Variants in ADGRG5 observed in about 807,000 individuals in gnomAD.
ADGRG5 encodes adhesion G protein-coupled receptor G5, also known as G protein-coupled receptor 114.
A neutral mutation model predicts 53.2 loss-of-function variants in ADGRG5; 37 were observed. The observed-to-expected ratio is 0.70, with a 90% CI of 0.53 to 0.91. The LOEUF is 0.91. Ranked by LOEUF, ADGRG5 falls within the 40% of genes least tolerant of loss-of-function variation. The probability of loss-of-function intolerance (pLI) is 0.00; values close to 1 mark genes in which losing one functional copy is unlikely to be tolerated. For synonymous variants in ADGRG5, 277 were observed against 290.4 expected, an observed-to-expected ratio of 0.95 and a Z score of 0.47; for missense variants, 614 against 675.8, an observed-to-expected ratio of 0.91 and a Z score of 1.01.
chr16:57,531,295 A>T, the ADGRG5 span, among the ~76,000 whole-genome samples: 2 of 148,526 alleles, frequency 1.3e-5, no homozygotes, highest in Non-Finnish European at 1.5e-5. Context: ...CCTTCCAGAG[A>T]AGGCACTTCC....
At position 57,573,020 on chromosome 16, in the gene ADGRG5, C is replaced by T. The variant is rs142296724; in HGVS notation, c.1209-1795C>T. Among the ~76,000 whole-genome samples the T allele has an allele frequency of 4.0e-3, 609 of 152,274 alleles. 2 individuals carry two copies. The highest frequency in any genetic ancestry group is 6.4e-3 in the Non-Finnish European group (438 of 68,024). On this transcript the variant is annotated intron_variant, in intron 10 of 11. Coordinates refer to ENST00000349457, the MANE Select transcript of ADGRG5 (RefSeq NM_001304376.3). ...GCTAGAGCCTGAGTTTCCTCATCTGCAGGATGAGGACGATTATGTACTTGC... is the reference window on the plus strand; with the variant it reads ...GCTAGAGCCTGAGTTTCCTCATCTGTAGGATGAGGACGATTATGTACTTGC...
the ADGRG5 span, among the ~76,000 whole-genome samples, chr16:57,537,615 C>T: frequency 6.6e-6 from 1 of 152,114 alleles, no homozygotes; most frequent in Non-Finnish European, 1.5e-5. Flanking sequence ...TTGAGAGCTT[C>T]CTCAAACTCA....
the ADGRG5 span, among the ~76,000 whole-genome samples, chr16:57,535,125 A>T: frequency 5.6e-3 from 855 of 152,318 alleles, 3 homozygotes; most frequent in Non-Finnish European, 8.2e-3. Flanking sequence ...GTGGGAAACC[A>T]CAGAGGACAG....
At chr16:57,533,492 C>T in the ADGRG5 span, among the ~76,000 whole-genome samples, 1 of 151,150 alleles carries the variant, frequency 6.6e-6, no homozygotes, top group Non-Finnish European at 1.5e-5. Flanking sequence ...ACACACACAC[C>T]CCCAGGGACC....
intron 10 of ADGRG5, among the ~76,000 whole-genome samples, chr16:57,570,825 C>T (rs1424014059): frequency 6.6e-6 from 1 of 152,194 alleles, no homozygotes; most frequent in Admixed American, 6.5e-5. Context: ...CTGCCCTGCC[C>T]TCCAGTGCCC....
chr16:57,531,216 T>G, the ADGRG5 span, among the ~76,000 whole-genome samples: 3 of 151,800 alleles, frequency 2.0e-5, no homozygotes, highest in Non-Finnish European at 4.4e-5. Context: ...AAAATAGAAC[T>G]TGCTGCCTCC....
At chr16:57,557,323 T>G (rs1057435306) in intron 1 of ADGRG5, among the ~76,000 whole-genome samples, 3 of 152,222 alleles carry the variant, frequency 2.0e-5, no homozygotes, top group Admixed American at 1.3e-4. Flanking sequence ...TGATAAGAAG[T>G]CTCTTGTAGT....
chr16:57,541,385 A>G (rs1402702971), upstream of ADGRG5, among the ~76,000 whole-genome samples: 1 of 152,178 alleles, frequency 6.6e-6, no homozygotes, highest in Non-Finnish European at 1.5e-5. Context: ...ATCCTGATCA[A>G]AGAAAACCGA....
chr16:57,537,840 G>T (rs1385838169), upstream of ADGRG5, among the ~76,000 whole-genome samples: 1 of 152,166 alleles, frequency 6.6e-6, no homozygotes, highest in African/African-American at 2.4e-5. Context: ...TGTTGAAAGC[G>T]TCTGTTCACC....
the ADGRG5 span, among the ~76,000 whole-genome samples, chr16:57,532,459 T>G: frequency 6.6e-6 from 1 of 152,170 alleles, no homozygotes. Flanking sequence ...CTGGCCTTGA[T>G]GCCCATGTGC....
At chr16:57,552,236 G>A (rs1163291841) in intron 1 of ADGRG5, among the ~76,000 whole-genome samples, 5 of 152,084 alleles carry the variant, frequency 3.3e-5, no homozygotes, top group Admixed American at 1.3e-4. Context: ...TGCATTACCC[G>A]CTAACAAGGG....
At chr16:57,550,231 G>A (rs569384618) in intron 1 of ADGRG5, among the ~76,000 whole-genome samples, 5 of 152,302 alleles carry the variant, frequency 3.3e-5, no homozygotes, top group South Asian at 4.1e-4. Context: ...ACCCGCCTCG[G>A]CCTCCCAAAG....
At chr16:57,551,937 C>T (rs1183498879) in intron 1 of ADGRG5, among the ~76,000 whole-genome samples, 1 of 152,080 alleles carries the variant, frequency 6.6e-6, no homozygotes, top group South Asian at 2.1e-4. Flanking sequence ...GTTAGCAGCA[C>T]GAGAACAACA....
chr16:57,531,193 G>A, the ADGRG5 span, among the ~76,000 whole-genome samples: 8,438 of 151,838 alleles, frequency 0.056, 350 homozygotes, highest in East Asian at 0.18. Context: ...GATGATTCAG[G>A]CTCATCTTGG....
intron 1 of ADGRG5, among the ~76,000 whole-genome samples, chr16:57,559,305 C>T (rs1185678161): frequency 6.6e-6 from 1 of 152,186 alleles, no homozygotes; most frequent in Non-Finnish European, 1.5e-5. Flanking sequence ...GTTTATCTCT[C>T]GGCAGCAGCC....
intron 7 of ADGRG5, 97 bp from the exon 8 acceptor site, chr16:57,567,373 G>T (rs1481126995): frequency 2.9e-6 from 4 of 1,388,944 alleles, no homozygotes; most frequent in Non-Finnish European, 3.9e-6. Context: ...GTGGGGAAGG[G>T]GACTTGGAGA....
At chr16:57,548,234 T>C (rs147498302) in intron 1 of ADGRG5, among the ~76,000 whole-genome samples, 2 of 152,124 alleles carry the variant, frequency 1.3e-5, no homozygotes, top group African/African-American at 4.8e-5. Flanking sequence ...TGACAATCTG[T>C]TGCATATTTT....
At chr16:57,549,300 T>A (rs1458202749) in intron 1 of ADGRG5, among the ~76,000 whole-genome samples, 5 of 152,210 alleles carry the variant, frequency 3.3e-5, no homozygotes, top group Non-Finnish European at 5.9e-5. Context: ...TGCCTGTCCC[T>A]ACAGACTCAC....
At chr16:57,535,382 C>G in the ADGRG5 span, among the ~76,000 whole-genome samples, 1 of 152,162 alleles carries the variant, frequency 6.6e-6, no homozygotes, top group Non-Finnish European at 1.5e-5. Context: ...TTGATTTGAA[C>G]TCCTTTCTTT....
Sources: gnomAD v4.1 joint callset for allele counts (sites outside exome capture counted in the v4.1 genomes callset) on GRCh38, gnomAD v4.1.1 for gene constraint, MANE v1.5 for transcripts, NCBI Gene and HGNC (gene_info 2026-07-23, HGNC 2026-07-21) for gene names.